DOCK9: variants seen among roughly 807,000 people sequenced by gnomAD.
DOCK9 encodes the protein dedicator of cytokinesis 9, also known as dedicator of cytokinesis protein 9.
In DOCK9, 89 loss-of-function variants were observed where a neutral mutation model predicts 263.3. The ratio of observed to expected loss-of-function variants is 0.34; its 90% CI spans 0.28 to 0.40. The LOEUF (loss-of-function observed/expected upper bound fraction) is 0.40, where lower values mean the gene tolerates loss of function less well. Ranked by LOEUF, DOCK9 falls within the 10% of genes least tolerant of loss-of-function variation. DOCK9 has a pLI of 1.00. For synonymous variants in DOCK9, 976 were observed against 973.1 expected, an observed-to-expected ratio of 1.00 and a Z score of -0.06; for missense variants, 2,140 against 2,603.4, an observed-to-expected ratio of 0.82 and a Z score of 3.87.
At position 98,829,277 on chromosome 13, in the gene DOCK9, A is replaced by T; in HGVS notation, c.4965+30T>A. The T allele has an allele frequency of 1.3e-6, 2 of 1,580,022 alleles. No homozygotes were observed. On this transcript the variant is annotated intron_variant, in intron 43 of 52. Transcript: ENST00000682017. The surrounding 1 kb of genome is among the most constrained non-coding windows in gnomAD (Gnocchi z 4.1). ...TGGGGCCTCACTGGTTTTTTCAAAA[A>T]CCCATTCAAGCGGCTGGCAGGGCTA... is the stretch of plus-strand genomic sequence containing the variant.
At chr13:98,796,326 TC>T in intron 52 of DOCK9, 2 of 866,806 alleles carry the variant, frequency 2.3e-6, no homozygotes, top group Non-Finnish European at 3.8e-6. Flanking sequence ...ATAGGATCAC[TC>T]CACAAACGGC....
At chr13:99,008,289 A>C (rs1595892750) in intron 1 of DOCK9, among the ~76,000 whole-genome samples, 1 of 145,030 alleles carries the variant, frequency 6.9e-6, no homozygotes, top group Non-Finnish European at 1.5e-5. Flanking sequence ...CTGAAGTGCA[A>C]TGGTGTGATC....
intron 1 of DOCK9, among the ~76,000 whole-genome samples, chr13:98,999,872 C>CCTTT (rs1881929689): frequency 6.6e-6 from 1 of 152,138 alleles, no homozygotes; most frequent in Non-Finnish European, 1.5e-5. Context: ...TGGTTGAATG[C>CCTTT]TAAGGGTGAA....
At chr13:98,854,770 G>A (rs1696235816) in intron 34 of DOCK9, 1 of 152,180 alleles carries the variant, frequency 6.6e-6, no homozygotes, top group Non-Finnish European at 1.5e-5. Flanking sequence ...GGGGTCAAGG[G>A]AAAAGTTCAA....
intron 1 of DOCK9, among the ~76,000 whole-genome samples, chr13:99,071,277 G>GA (rs2041657415): frequency 7.1e-6 from 1 of 141,220 alleles, no homozygotes; most frequent in African/African-American, 2.7e-5. Context: ...CAAGTAGCTG[G>GA]AACTACAGGT....
intron 3 of DOCK9, among the ~76,000 whole-genome samples, chr13:98,929,303 G>A (rs1198773320): frequency 6.6e-6 from 1 of 152,204 alleles, no homozygotes; most frequent in Non-Finnish European, 1.5e-5. Context: ...AGCACTTTGG[G>A]AGGCCAAGGC....
intron 1 of DOCK9, among the ~76,000 whole-genome samples, chr13:99,036,302 A>C (rs1273705249): frequency 6.6e-6 from 1 of 152,168 alleles, no homozygotes; most frequent in Non-Finnish European, 1.5e-5. Context: ...GGAGGCAATT[A>C]AGTCATGAAG....
chr13:98,796,061 T>C (rs1205973757), intron 52 of DOCK9: 1 of 611,174 alleles, frequency 1.6e-6, no homozygotes, highest in Non-Finnish European at 2.9e-6. Context: ...GTCTGGCCTC[T>C]ACTTTTTAAA....
At chr13:99,020,548 C>T (rs141495109) in intron 1 of DOCK9, among the ~76,000 whole-genome samples, 2 of 152,326 alleles carry the variant, frequency 1.3e-5, no homozygotes, top group African/African-American at 4.8e-5. Context: ...GCTTTGAGCT[C>T]CTGCAAAGCT....
chr13:98,956,813 A>T (rs1157477300), intron 1 of DOCK9, among the ~76,000 whole-genome samples: 1 of 152,236 alleles, frequency 6.6e-6, no homozygotes, highest in Non-Finnish European at 1.5e-5. Context: ...TATTTTTGAA[A>T]CTATAATCAT....
rs764079858 is a variant in DOCK9, at chr13:98,805,205, T to A, written c.5519A>T (p.Asn1840Ile). The A allele has an allele frequency of 2.5e-6, 4 of 1,592,986 alleles. No individual in the cohort carries two copies. In the East Asian group the frequency reaches 6.7e-5, roughly 27 times the overall value. ...ATACTTAGAATCCAGATCCTTAGGG[T>A]TGACCTTTAATTGAAACAGCACAAT... ...VKMIQDSGKVNPKDLDSKYAY... is the reference protein window; with the variant it reads ...VKMIQDSGKVIPKDLDSKYAY... The change falls in exon 49 of 53, where the codon AAC becomes ATC. Residue 1840 changes from asparagine to isoleucine, a missense_variant. Around this residue, in one of 2 missense-constraint regions of DOCK9, gnomAD observed 619 missense variants for 861.8 expected, o/e 0.72. Transcript: ENST00000682017.
chr13:98,901,940 A>T (rs1379101679), intron 12 of DOCK9, 40 bp from the exon 13 acceptor site: 2 of 1,601,090 alleles, frequency 1.2e-6, no homozygotes, highest in Admixed American at 1.7e-5. Flanking sequence ...CAGAATTCAC[A>T]GCTACGTTAA....
intron 1 of DOCK9, among the ~76,000 whole-genome samples, chr13:98,963,909 C>A (rs1470517545): frequency 6.6e-6 from 1 of 152,250 alleles, no homozygotes; most frequent in Non-Finnish European, 1.5e-5. Flanking sequence ...ACTCTCGCTA[C>A]GTAGCCCCAC....
chr13:99,008,210 C>CTATATATATA (rs1394085625), intron 1 of DOCK9, among the ~76,000 whole-genome samples: 4 of 72,644 alleles, frequency 5.5e-5, no homozygotes, highest in African/African-American at 1.8e-4. Context: ...CTCTCTCTCT[C>CTATATATATA]TCTATATATA....
intron 1 of DOCK9, among the ~76,000 whole-genome samples, chr13:99,024,045 T>G (rs1748279392): frequency 6.6e-6 from 1 of 152,204 alleles, no homozygotes; most frequent in Admixed American, 6.5e-5. Flanking sequence ...TAAATTACTG[T>G]TACAGGAGGT....
chr13:99,040,133 G>C (rs532154884), intron 1 of DOCK9, among the ~76,000 whole-genome samples: 1 of 152,148 alleles, frequency 6.6e-6, no homozygotes, highest in African/African-American at 2.4e-5. Context: ...GAAAAGGCAA[G>C]AGAGTGTTTG....
chr13:98,954,352 C>T (rs2057782234), intron 2 of DOCK9, among the ~76,000 whole-genome samples: 1 of 152,098 alleles, frequency 6.6e-6, no homozygotes, highest in Non-Finnish European at 1.5e-5. Flanking sequence ...GAAAGAAGTG[C>T]CAGGATCAGG....
At chr13:99,062,054 TAG>T (rs1451201946) in intron 1 of DOCK9, among the ~76,000 whole-genome samples, 2 of 152,046 alleles carry the variant, frequency 1.3e-5, no homozygotes, top group Non-Finnish European at 2.9e-5. Flanking sequence ...TTATGTTTTG[TAG>T]AGACGGGCTC....
At chr13:98,889,830 C>CTGGCCA (rs1305724710) in intron 15 of DOCK9, among the ~76,000 whole-genome samples, 1 of 152,194 alleles carries the variant, frequency 6.6e-6, no homozygotes. Context: ...CTGCATACAT[C>CTGGCCA]TGGCCAGTGT....
Sources: gnomAD v4.1 joint callset for allele counts (sites outside exome capture counted in the v4.1 genomes callset) on GRCh38, gnomAD v4.1.1 for gene constraint, gnomAD v4.1.1 regional missense constraint, Gnocchi (gnomAD v3.1) non-coding constraint, MANE v1.5 for transcripts, NCBI Gene and HGNC (gene_info 2026-07-23, HGNC 2026-07-21) for gene names.